The following CA10 variants were observed in gnomAD, a reference collection of about 807,000 sequenced individuals.
CA10 encodes carbonic anhydrase 10 (inactive).
A neutral mutation model predicts 44.2 loss-of-function variants in CA10; 14 were observed. That is an observed-to-expected ratio of 0.32 (90% CI 0.21 to 0.50). The LOEUF is 0.50. Ranked by LOEUF, CA10 falls within the 20% of genes least tolerant of loss-of-function variation. The probability of loss-of-function intolerance (pLI) is 0.99; values close to 1 mark genes in which losing one functional copy is unlikely to be tolerated. For missense variants in CA10, 350 were observed against 409.7 expected, an observed-to-expected ratio of 0.85 and a Z score of 1.26; for synonymous variants, 159 against 141.6, an observed-to-expected ratio of 1.12 and a Z score of -0.87.
At chr17:52,073,896 G>A (rs1292744648) in intron 1 of CA10, among the ~76,000 whole-genome samples, 5 of 152,194 alleles carry the variant, frequency 3.3e-5, no homozygotes, top group Admixed American at 3.3e-4. Flanking sequence ...ACCAGGGAAA[G>A]ACAAGGAGAT....
At position 52,001,567 on chromosome 17, in the gene CA10, GT is replaced by G. The variant is rs921971607; in HGVS notation, c.137-70436del. On this transcript the variant is annotated intron_variant, in intron 2 of 8. Transcript: ENST00000451037. The stretch of plus-strand genomic sequence containing the variant: ...TTAAAGTATAAGTAACTATAGGGAA[GT>G]TTTTTTTTTAATAGGGGATATTGCT... 4.7e-3 allele frequency among the ~76,000 whole-genome samples: 697 copies of G among 149,648 alleles called. 3 individuals are homozygous for G. The highest frequency in any genetic ancestry group is 6.2e-3 in the Non-Finnish European group (420 of 67,288).
chr17:51,659,209 G>C (rs1203687436), intron 4 of CA10, among the ~76,000 whole-genome samples: 1 of 152,182 alleles, frequency 6.6e-6, no homozygotes, highest in African/African-American at 2.4e-5. Context: ...GAATAAAAAG[G>C]TGGAGGATTC....
chr17:51,706,319 C>T (rs932898681), intron 4 of CA10, among the ~76,000 whole-genome samples: 1 of 152,212 alleles, frequency 6.6e-6, no homozygotes, highest in African/African-American at 2.4e-5. Flanking sequence ...CTGAGTAAAG[C>T]CATTTGCCAG....
intron 3 of CA10, among the ~76,000 whole-genome samples, chr17:51,850,626 G>A (rs1034149732): frequency 2.6e-5 from 4 of 152,154 alleles, no homozygotes; most frequent in South Asian, 2.1e-4. Context: ...ACAGGCAAGC[G>A]TTTGAGTTAC....
chr17:51,872,851 G>A (rs530749047), intron 3 of CA10, among the ~76,000 whole-genome samples: 6 of 152,334 alleles, frequency 3.9e-5, no homozygotes, highest in Admixed American at 2.6e-4. Flanking sequence ...ACTGCACCAA[G>A]TATGTAACTC....
At chr17:51,681,824 C>T (rs1489647041) in intron 4 of CA10, among the ~76,000 whole-genome samples, 1 of 152,162 alleles carries the variant, frequency 6.6e-6, no homozygotes, top group Non-Finnish European at 1.5e-5. Context: ...TCATCCCTCC[C>T]CCTGCCACCC....
At chr17:51,944,553 T>G (rs1428126043) in intron 2 of CA10, among the ~76,000 whole-genome samples, 2 of 152,134 alleles carry the variant, frequency 1.3e-5, no homozygotes, top group Admixed American at 6.5e-5. Context: ...GCAACAATAA[T>G]AGGGGAACGG....
At chr17:51,666,787 T>C (rs1040316651) in intron 4 of CA10, among the ~76,000 whole-genome samples, 1 of 152,084 alleles carries the variant, frequency 6.6e-6, no homozygotes, top group African/African-American at 2.4e-5. Context: ...AATAAGAAAA[T>C]GATGTATCAA....
Position 52,158,079 on chromosome 17 carries a change from C to T in CA10, c.-293G>A. ...GCTCGCGTGTCTCTTCTCTTCGCAC[C>T]AGCGGCGGAAACCGCACTAGCAGCG... On this transcript the variant is annotated 5_prime_UTR_variant, in exon 1 of 9. Transcript: ENST00000451037. The T allele has an allele frequency of 1.9e-6, 1 of 521,500 alleles. No individual in the cohort carries two copies. Among genetic ancestry groups the T allele is most frequent in the Non-Finnish European group, 3.4e-6 (1 of 291,090 alleles). The allele number at this position is 521,500 out of a possible 1,614,324, so 32.3% of individuals were successfully genotyped here. A position where few individuals can be genotyped will look rare whatever the true frequency, so the allele number is the denominator to read the frequency against.
intron 3 of CA10, among the ~76,000 whole-genome samples, chr17:51,888,503 A>G (rs964698263): frequency 1.1e-4 from 17 of 152,356 alleles, no homozygotes; most frequent in African/African-American, 3.8e-4. Context: ...AAGCATCCTA[A>G]ATTGTCTTTT....
intron 2 of CA10, among the ~76,000 whole-genome samples, chr17:51,992,981 C>T (rs1174181074): frequency 6.6e-6 from 1 of 152,112 alleles, no homozygotes; most frequent in East Asian, 1.9e-4. Context: ...TACTGATAGG[C>T]AAGGAAGTGG....
chr17:51,713,565 C>T (rs1916008729), intron 4 of CA10, among the ~76,000 whole-genome samples: 1 of 152,228 alleles, frequency 6.6e-6, no homozygotes, highest in African/African-American at 2.4e-5. Flanking sequence ...TAGCTAGCTT[C>T]CCTAATCACT....
intron 4 of CA10, among the ~76,000 whole-genome samples, chr17:51,682,692 C>A (rs1354506663): frequency 1.3e-5 from 2 of 152,212 alleles, no homozygotes; most frequent in Non-Finnish European, 2.9e-5. Flanking sequence ...TCTATGAGAA[C>A]ATTCTGAAAT....
chr17:51,716,618 A>T (rs1173343457), intron 4 of CA10, among the ~76,000 whole-genome samples: 1 of 152,150 alleles, frequency 6.6e-6, no homozygotes, highest in Non-Finnish European at 1.5e-5. Context: ...CATGGTTCAA[A>T]TACTGTCTCA....
chr17:52,003,690 C>A (rs533636067), intron 2 of CA10, among the ~76,000 whole-genome samples: 2 of 151,754 alleles, frequency 1.3e-5, no homozygotes, highest in Admixed American at 1.3e-4. Context: ...GAACTTGCAA[C>A]TCAGGTAGGA....
chr17:51,828,506 G>A (rs1017286583), intron 3 of CA10, among the ~76,000 whole-genome samples: 4 of 152,130 alleles, frequency 2.6e-5, no homozygotes, highest in South Asian at 4.1e-4. Context: ...TTTATGTGGG[G>A]CTTGGCATTG....
At chr17:51,815,887 G>A (rs758301569) in intron 3 of CA10, among the ~76,000 whole-genome samples, 9 of 151,970 alleles carry the variant, frequency 5.9e-5, no homozygotes, top group African/African-American at 2.4e-5. Flanking sequence ...GGAGAATGGC[G>A]TATCCACCTC....
At chr17:52,054,017 G>A (rs1987153460) in intron 2 of CA10, among the ~76,000 whole-genome samples, 1 of 152,098 alleles carries the variant, frequency 6.6e-6, no homozygotes, top group African/African-American at 2.4e-5. Flanking sequence ...TAGAGCATGT[G>A]TGTTTGAACA....
At chr17:52,023,696 G>A (rs1387696354) in intron 2 of CA10, among the ~76,000 whole-genome samples, 3 of 16,520 alleles carry the variant, frequency 1.8e-4, no homozygotes, top group Non-Finnish European at 1.3e-3. Context: ...TTACAGAATG[G>A]CAAAAAAAAA....
Sources: allele counts gnomAD v4.1 joint callset (sites outside exome capture counted in the v4.1 genomes callset), GRCh38; gene constraint gnomAD v4.1.1; transcripts MANE v1.5; gene names NCBI Gene and HGNC (gene_info 2026-07-23, HGNC 2026-07-21).